The following NFRKB variants were observed in gnomAD, a reference collection of about 807,000 sequenced individuals.
NFRKB encodes the protein nuclear factor related to kappaB binding protein, also known as nuclear factor related to kappa-B-binding protein.
A neutral mutation model predicts 135.7 loss-of-function variants in NFRKB; 62 were observed. The observed-to-expected ratio is 0.46, with a 90% CI of 0.37 to 0.56. The LOEUF is 0.56. NFRKB is among the 20% of genes least tolerant of loss of function. The pLI is 0.00. For missense variants in NFRKB, 1,545 were observed against 1,662.0 expected (o/e 0.93, Z 1.22); for synonymous variants, 678 against 635.6 (o/e 1.07, Z -1.00).
intron 3 of NFRKB, among the ~76,000 whole-genome samples, chr11:129,890,685 G>A (rs751266989): frequency 2.6e-4 from 40 of 152,138 alleles, no homozygotes; most frequent in Non-Finnish European, 3.7e-4. Context: ...ATGTTTTCAC[G>A]TACATAGTGG....
At chr11:129,865,782 G>T (rs3817614) in intron 25 of NFRKB, 95 bp downstream of exon 25, 384,587 of 1,032,604 alleles carry the variant, frequency 0.37, 75,093 homozygotes, top group East Asian at 0.42. Context: ...GCCCCAGAAA[G>T]ACCAGCCACT....
At chr11:129,883,373 CATTTA>C (rs1949121485) in intron 8 of NFRKB, among the ~76,000 whole-genome samples, 167 bp from the exon 9 acceptor site, 1 of 152,188 alleles carries the variant, frequency 6.6e-6, no homozygotes, top group South Asian at 2.1e-4. Flanking sequence ...ATCATATCCC[CATTTA>C]ATTAACTTGA....
rs1427310375 is a variant in NFRKB at position 129,873,106 on chromosome 11, G to A, written c.2551-10C>T. ...CAGTGGCCATTACTGTCTAGTTGAG[G>A]GCATGAGGCCAAGAGCTTAATTAGA... On this transcript the variant is annotated splice_polypyrimidine_tract_variant and intron_variant, in intron 22 of 26. Transcript: ENST00000682444. The A allele has an allele frequency of 2.5e-6, 4 of 1,584,432 alleles. No individual in the cohort carries two copies. The highest frequency in any genetic ancestry group is 2.3e-5 in the South Asian group (2 of 88,378).
In NFRKB at chr11:129,882,151, A is replaced by G. The variant is rs778039869; in HGVS notation, c.1126T>C (p.Ser376Pro). ...AATAGAAGAGAGAAGAAGCTGGAAG[A>G]TATTTCATTGATTCCAAGGCAAGGC... ...LKPCLGINEI[S>P]SSFFSLLLEI... is the part of the protein sequence containing the mutation. The change falls in exon 11 of 27, where the codon TCT (serine) becomes CCT (proline). Residue 376 changes from serine (S) to proline (P), a missense_variant. By Grantham distance (74) the Ser-to-Pro change is moderately conservative. This residue lies in a region of NFRKB where 678 missense variants were observed against 646.7 expected (regional missense o/e 1.05). Transcript: ENST00000682444. The G allele has an allele frequency of 1.9e-6, 3 of 1,613,598 alleles. No individual in the cohort carries two copies. The highest frequency in any genetic ancestry group is 8.5e-7 in the Non-Finnish European group (1 of 1,179,868).
At chr11:129,886,171 G>A (rs1407451263) in intron 5 of NFRKB, 146 bp downstream of exon 5, 14 of 832,954 alleles carry the variant, frequency 1.7e-5, no homozygotes, top group Admixed American at 4.7e-5. Flanking sequence ...TCATAAGAAA[G>A]GATGGCATAG....
chr11:129,881,498 G>C lies in NFRKB; in HGVS notation c.1329C>G (p.Ser443=). 1 of 1,614,106 alleles carries C rather than the reference G, an allele frequency of 6.2e-7. No homozygotes were observed. Among genetic ancestry groups the C allele is most frequent in the East Asian group, 2.2e-5 (1 of 44,888 alleles). Residue 443 remains serine (S), a synonymous_variant, in exon 13 of 27, where the codon TCC becomes TCG. Transcript: ENST00000682444. ...YLAGESRAVP[S]SFSPFVEFKE... is the part of the protein sequence containing the mutation. ...TGAATTCAACAAATGGAGAGAAACT[G>C]GAAGGAACAGCTGCAAGAAATGGAC...
At chr11:129,865,853 C>T in intron 25 of NFRKB, 24 bp downstream of exon 25, 1 of 1,611,006 alleles carries the variant, frequency 6.2e-7, no homozygotes, top group African/African-American at 1.3e-5. Context: ...CGAATTGGTT[C>T]CTTTACCATG....
chr11:129,878,931 AATT>A (rs1431185865), intron 13 of NFRKB, among the ~76,000 whole-genome samples: 5 of 152,238 alleles, frequency 3.3e-5, no homozygotes, highest in African/African-American at 1.2e-4. Flanking sequence ...ATACCAAGGT[AATT>A]ATTCTATTTT....
At chr11:129,879,311 C>T (rs566350831) in intron 13 of NFRKB, among the ~76,000 whole-genome samples, 1 of 152,282 alleles carries the variant, frequency 6.6e-6, no homozygotes, top group South Asian at 2.1e-4. Context: ...AGCATCTGGC[C>T]GACAAGCTTC....
Position 129,864,798 on chromosome 11 carries a change from C to T in NFRKB, c.3827G>A (p.Gly1276Asp), listed in dbSNP as rs575629116. The T allele has an allele frequency of 1.9e-6, 3 of 1,614,194 alleles. No individual in the cohort carries two copies. The highest frequency in any genetic ancestry group is 1.1e-5 in the South Asian group (1 of 91,082). ...ASHLQQGTAS[G>D]SSKAVSTVVV... is the part of the protein sequence containing the mutation. ...AACAGTGGAGACTGCTTTGGAGGAG[C>T]CAGAAGCTGTTCCCTGTTGGAGATG... Residue 1276 changes from glycine (G) to aspartate (D), a missense_variant, in exon 27 of 27, where the codon GGC (glycine) becomes GAC (aspartate). Around this residue, in one of 3 missense-constraint regions of NFRKB, gnomAD observed 753 missense variants for 804.3 expected, o/e 0.94. Transcript: ENST00000682444.
Position 129,874,434 on chromosome 11 carries a change from G to C in NFRKB, c.2058+67C>G. On this transcript the variant is annotated intron_variant, in intron 20 of 26. Transcript: ENST00000682444. The surrounding 1 kb of genome is among the most constrained non-coding windows in gnomAD (Gnocchi z 4.5). The stretch of plus-strand genomic sequence containing the variant: ...TGATGCCCCACACCAAGTGAAAGCC[G>C]AGCAGCCACTCTTAGTTGCCTCCAT... 6.4e-7 allele frequency: 1 copy of C among 1,565,196 alleles called. No homozygotes were observed. The highest frequency in any genetic ancestry group is 8.6e-7 in the Non-Finnish European group (1 of 1,156,484).
At chr11:129,886,294 A>C in intron 5 of NFRKB, 23 bp downstream of exon 5, 2 of 1,608,188 alleles carry the variant, frequency 1.2e-6, no homozygotes, top group Non-Finnish European at 1.7e-6. Context: ...CACATTTTAT[A>C]TCCAGTTCCC....
intron 24 of NFRKB, among the ~76,000 whole-genome samples, chr11:129,866,576 C>T (rs1422099359): frequency 6.6e-6 from 1 of 151,634 alleles, no homozygotes; most frequent in African/African-American, 2.4e-5. Flanking sequence ...GGGACACTAA[C>T]AATAAACTCA....
intron 7 of NFRKB, 147 bp from the exon 8 acceptor site, chr11:129,884,290 C>G (rs1365643173): frequency 2.6e-6 from 2 of 781,392 alleles, no homozygotes; most frequent in Non-Finnish European, 2.2e-6. Flanking sequence ...ACAGGATCGA[C>G]ACTTCCACTT....
In NFRKB at chr11:129,884,761, C is replaced by T. The variant is rs747797676; in HGVS notation, c.726G>A (p.Thr242=). ...GGTTCTCACCTGCAGTTTTCATATC[C>T]GTGGTTGAAAGTGTGGGCACCACCC... ...PLRVVPTLST[T]DMKTADKVEL... is the part of the protein sequence containing the mutation. Residue 242 remains threonine, a synonymous_variant, in exon 7 of 27, where the codon ACG becomes ACA. Coordinates refer to ENST00000682444, the MANE Select transcript of NFRKB (RefSeq NM_001143835.2). The T allele has an allele frequency of 1.2e-5, 20 of 1,613,898 alleles. No individual in the cohort carries two copies. Among genetic ancestry groups the T allele is most frequent in the East Asian group, 6.7e-5 (3 of 44,890 alleles).
chr11:129,864,874 G>A lies in NFRKB; in HGVS notation c.3775-24C>T, dbSNP rs773050670. 4 of 1,614,038 alleles carry A rather than the reference G, an allele frequency of 2.5e-6. No homozygotes were observed. The African/African-American group carries it at 4.0e-5, about 16-fold the overall frequency. On this transcript the variant is annotated intron_variant, in intron 26 of 26. Coordinates refer to ENST00000682444, the MANE Select transcript of NFRKB (RefSeq NM_001143835.2). ...ACCTGTTTGCAAAGACAGAAGGTCA[G>A]GTCAATGGATTGCAAGCGGGCTCAC... is the stretch of plus-strand genomic sequence containing the variant.
chr11:129,894,502 C>A (rs1212138407), intron 1 of NFRKB, 64 bp from the exon 2 acceptor site: 1 of 152,180 alleles, frequency 6.6e-6, no homozygotes, highest in African/African-American at 2.4e-5. Context: ...CTTTTCTTTT[C>A]CAAAATTCTC....
Position 129,869,488 on chromosome 11 carries a change from A to C in NFRKB, c.3531+6T>G. 1 of 1,598,392 alleles carries C rather than the reference A, an allele frequency of 6.3e-7. No individual in the cohort carries two copies. The highest frequency in any genetic ancestry group is 8.5e-7 in the Non-Finnish European group (1 of 1,175,622). ...GAAGGCCTAAGCTTTACCACTAGTT[A>C]CTCACAGCCTGGGACGTGGACACAA... is the stretch of plus-strand genomic sequence containing the variant. On this transcript the variant is annotated splice_donor_region_variant and intron_variant, in intron 24 of 26. Transcript: ENST00000682444.
intron 24 of NFRKB, 62 bp from the exon 25 acceptor site, chr11:129,866,045 C>G: frequency 7.2e-7 from 1 of 1,380,082 alleles, no homozygotes; most frequent in Middle Eastern, 1.9e-4. Context: ...GCAAGTGTCA[C>G]CTCCAGGGCA....
Sources: allele counts gnomAD v4.1 joint callset (sites outside exome capture counted in the v4.1 genomes callset), GRCh38; gene constraint gnomAD v4.1.1; regional missense constraint gnomAD v4.1.1; non-coding constraint Gnocchi (gnomAD v3.1); transcripts MANE v1.5; gene names NCBI Gene and HGNC (gene_info 2026-07-23, HGNC 2026-07-21).